The following TTN variants were observed in gnomAD, a reference collection of about 807,000 sequenced individuals.
TTN encodes the protein connectin.
A neutral mutation model predicts 3,223.0 loss-of-function variants in TTN; 1,525 were observed. The observed-to-expected ratio is 0.47, with a 90% CI of 0.45 to 0.49. TTN has a LOEUF of 0.49. Among genes scored for constraint, TTN ranks in the 20% least tolerant of loss-of-function variants. The pLI is 0.00. For synonymous variants in TTN, 14,094 were observed against 15,161.0 expected (o/e 0.93, Z 5.17); for missense variants, 40,786 against 43,424.0 (o/e 0.94, Z 5.40).
chr2:178,577,316 T>C lies in TTN; in HGVS notation c.69019A>G (p.Ile23007Val), dbSNP rs750858964. The change falls in exon 324 of 363, where the codon ATC becomes GTC. Residue 23007 changes from isoleucine (I) to valine (V), a missense_variant. Ile to Val is a conservative substitution (Grantham distance 29). Transcript: ENST00000589042. ...GCATCTTTTCTAGTGGCATACTTGATAGTAAGCATGGAAGATGTTGGGGTT... is the reference window on the plus strand; with the variant it reads ...GCATCTTTTCTAGTGGCATACTTGACAGTAAGCATGGAAGATGTTGGGGTT... Reference protein sequence around the residue: ...TSTPTSSMLTIKYATRKDAGE... With the variant: ...TSTPTSSMLTVKYATRKDAGE... The C allele has an allele frequency of 1.2e-6, 2 of 1,612,876 alleles. No individual in the cohort carries two copies. Among genetic ancestry groups the C allele is most frequent in the Middle Eastern group, 1.7e-4 (1 of 6,058 alleles).
intron 274 of TTN, 64 bp from the exon 275 acceptor site, chr2:178,608,541 C>A: frequency 1.3e-6 from 2 of 1,563,634 alleles, no homozygotes; most frequent in South Asian, 2.4e-5. Context: ...ATTTTAAAAG[C>A]TGTAGTAATT....
At chr2:178,805,769 CTT>C (rs770326304) in intron 1 of TTN, among the ~76,000 whole-genome samples, 38 of 152,194 alleles carry the variant, frequency 2.5e-4, no homozygotes, top group Non-Finnish European at 5.3e-4. Context: ...AATTTGCAAA[CTT>C]TGAATAATGG....
At chr2:178,780,264 C>G (rs1203161661) in intron 21 of TTN, 59 bp from the exon 22 acceptor site, 7 of 1,459,090 alleles carry the variant, frequency 4.8e-6, no homozygotes, top group Non-Finnish European at 6.7e-6. Context: ...AGTCATACCA[C>G]TATGCATTCA....
rs1255601222 is a variant in TTN, at chr2:178,746,741, T to G, written c.11312-4820A>C. 7 of 1,613,310 alleles carry G rather than the reference T, an allele frequency of 4.3e-6. No individual in the cohort carries two copies. In the South Asian group the frequency reaches 7.7e-5, roughly 18 times the overall value. ...TCTTTCATCTGGCTCTAGTAAAGAT[T>G]TATTTCGATACCATTTCACACCAGG... On this transcript the variant is annotated intron_variant, in intron 47 of 362. Transcript: ENST00000589042.
At position 178,548,567 on chromosome 2, in the gene TTN, G is replaced by A. The variant is rs1312330710; in HGVS notation, c.93059C>T (p.Pro31020Leu). 2 of 1,613,890 alleles carry A rather than the reference G, an allele frequency of 1.2e-6. No individual in the cohort carries two copies. The highest frequency in any genetic ancestry group is 1.7e-6 in the Non-Finnish European group (2 of 1,179,816). The change falls in exon 339 of 363, where the codon CCT becomes CTT. Residue 31020 changes from proline to leucine, a missense_variant. Pro to Leu is a moderately conservative substitution (Grantham distance 98). Transcript: ENST00000589042. The surrounding 1 kb of genome is among the most constrained non-coding windows in gnomAD (Gnocchi z 4.3). The stretch of plus-strand genomic sequence containing the variant: ...CACATCTTTGAAGGTAATTGGGCCA[G>A]GTGGGCCTGGAGTGTCTAGCACTTT... ...TVKVLDTPGP[P>L]GPITFKDVTR...
rs1309317594 is a variant in TTN at position 178,631,044 on chromosome 2, A to G, written c.44004T>C (p.Leu14668=). ...TGGAAATTTCCTTACCCTCAATGTC[A>G]AGTTTTCCTGAGGTCTTATCTGTCC... The part of the protein sequence containing the change: ...DCGTDKTSGK[L]DIEDREIKLV... Residue 14668 remains leucine (L), a synonymous_variant, in exon 237 of 363, where the codon CTT becomes CTC. Transcript: ENST00000589042. 6.2e-7 allele frequency: 1 copy of G among 1,612,974 alleles called. No individual in the cohort carries two copies. Among genetic ancestry groups the G allele is most frequent in the Non-Finnish European group, 8.5e-7 (1 of 1,179,528 alleles).
In TTN at chr2:178,570,216, C is replaced by T. The variant is rs1447695905; in HGVS notation, c.75916G>A (p.Asp25306Asn). The T allele has an allele frequency of 6.2e-7, 1 of 1,613,276 alleles. No individual in the cohort carries two copies. The highest frequency in any genetic ancestry group is 8.5e-7 in the Non-Finnish European group (1 of 1,179,620). ...GTGACTTCTGGAGCTTTTGGTGCATCTGGTACTACAAATGGATTCTTGGCA... is the reference window on the plus strand; with the variant it reads ...GTGACTTCTGGAGCTTTTGGTGCATTTGGTACTACAAATGGATTCTTGGCA... ...VVAKNPFVVP[D>N]APKAPEVTTV... The change falls in exon 326 of 363, where the codon GAT (aspartate) becomes AAT (asparagine). Residue 25306 changes from aspartate to asparagine, a missense_variant. Asp to Asn is a conservative substitution (Grantham distance 23, BLOSUM62 1). Coordinates refer to ENST00000589042, the MANE Select transcript of TTN (RefSeq NM_001267550.2).
Position 178,793,298 on chromosome 2 carries a change from T to TAA in TTN, c.1536+104_1536+105dup. On this transcript the variant is annotated intron_variant, in intron 9 of 362. Coordinates refer to ENST00000589042, the MANE Select transcript of TTN (RefSeq NM_001267550.2). ...CAACAAGGGGATCTTATTAGTATGCTAACAACCATGTGGCCCAAGGAACAA... is the reference window on the plus strand; with the variant it reads ...CAACAAGGGGATCTTATTAGTATGCTAAAACAACCATGTGGCCCAAGGAACAA... 4 of 1,491,310 alleles carry TAA rather than the reference T, an allele frequency of 2.7e-6. No homozygotes were observed. The South Asian group carries it at 5.3e-5, about 20-fold the overall frequency. 92.4% of individuals were successfully genotyped at this position (1,491,310 alleles called of 1,614,324 possible). A position where few individuals can be genotyped will look rare whatever the true frequency, so the allele number is the denominator to read the frequency against.
At position 178,618,683 on chromosome 2, in the gene TTN, T is replaced by C; in HGVS notation, c.46867A>G (p.Arg15623Gly). Residue 15623 changes from arginine (R) to glycine (G), a missense_variant, in exon 251 of 363, where the codon AGA (arginine) becomes GGA (glycine). Coordinates refer to ENST00000589042, the MANE Select transcript of TTN (RefSeq NM_001267550.2). ...TCTCCTTTCTTGGCTTCTAAAATTC[T>C]GAAAGAAGTTTGTTCAGCCGTAGTA... ...IDTTAEQTSF[R>G]ILEAKKGDKG... The C allele has an allele frequency of 6.2e-7, 1 of 1,612,254 alleles. No homozygotes were observed. The highest frequency in any genetic ancestry group is 8.5e-7 in the Non-Finnish European group (1 of 1,178,950).
At position 178,595,496 on chromosome 2, in the gene TTN, T is replaced by C; in HGVS notation, c.57847+11A>G. 6.5e-7 allele frequency: 1 copy of C among 1,545,494 alleles called. No homozygotes were observed. The highest frequency in any genetic ancestry group is 8.7e-7 in the Non-Finnish European group (1 of 1,145,330). Reference sequence around the variant, plus strand: ...AAGTGATTAAGTATACATTTTTTTTTTTTTACTTACTTATTGGCTCTCTGA... The same window carrying C: ...AAGTGATTAAGTATACATTTTTTTTCTTTTACTTACTTATTGGCTCTCTGA... On this transcript the variant is annotated intron_variant, in intron 295 of 362. Transcript: ENST00000589042.
At chr2:178,694,516 G>C in intron 117 of TTN, 83 bp downstream of exon 117, 2 of 947,458 alleles carry the variant, frequency 2.1e-6, no homozygotes, top group Non-Finnish European at 3.1e-6. Flanking sequence ...AGATTTGTGA[G>C]TTACTTAGCA....
In TTN at chr2:178,568,149, C is replaced by A; in HGVS notation, c.77983G>T (p.Gly25995Cys). 1 of 1,613,456 alleles carries A rather than the reference C, an allele frequency of 6.2e-7. No individual in the cohort carries two copies. Among genetic ancestry groups the A allele is most frequent in the Non-Finnish European group, 8.5e-7 (1 of 1,179,596 alleles). ...GAAATGGCTGTGGCAAATGGTGTACCTGGAGGGCCTGGTTCTTTGTAGGGA... is the reference window on the plus strand; with the variant it reads ...GAAATGGCTGTGGCAAATGGTGTACATGGAGGGCCTGGTTCTTTGTAGGGA... ...QYPYKEPGPP[G>C]TPFATAISKD... Residue 25995 changes from glycine (G) to cysteine (C), a missense_variant, in exon 326 of 363, where the codon GGT (glycine) becomes TGT (cysteine). Physicochemically the swap from Gly to Cys is radical, Grantham distance 159 (BLOSUM62 -3). Transcript: ENST00000589042.
chr2:178,681,587 A>G (rs779864220), intron 136 of TTN, 74 bp downstream of exon 136: 764 of 1,494,692 alleles, frequency 5.1e-4, no homozygotes, highest in Non-Finnish European at 6.7e-4. Context: ...CCACTTTTAC[A>G]TATATTTTTA....
intron 226 of TTN, 82 bp downstream of exon 226, chr2:178,635,881 G>A (rs554383099): frequency 5.2e-6 from 8 of 1,526,572 alleles, no homozygotes; most frequent in Admixed American, 4.4e-5. Context: ...TTCTGATATT[G>A]TAATACTGGG....
Position 178,622,780 on chromosome 2 carries a change from G to A in TTN, c.44816-13C>T. The A allele has an allele frequency of 6.3e-7, 1 of 1,575,932 alleles. No homozygotes were observed. The highest frequency in any genetic ancestry group is 8.7e-7 in the Non-Finnish European group (1 of 1,155,046). On this transcript the variant is annotated splice_polypyrimidine_tract_variant and intron_variant, in intron 242 of 362. Transcript: ENST00000589042. ...TCCACATGAGGAGCTGTAAGAGAAT[G>A]TCATCAGAATTCAAAATGAGGTTTC...
At chr2:178,747,979 G>T in intron 47 of TTN, 1 of 1,613,004 alleles carries the variant, frequency 6.2e-7, no homozygotes, top group Non-Finnish European at 8.5e-7. Flanking sequence ...CTTCCAAAGT[G>T]GCATCTGTAT....
At chr2:178,786,845 G>A (rs1338476590) in intron 13 of TTN, among the ~76,000 whole-genome samples, 1 of 152,258 alleles carries the variant, frequency 6.6e-6, no homozygotes, top group South Asian at 2.1e-4. Flanking sequence ...CTTTCACATT[G>A]AAGTTTAATT....
At chr2:178,744,382 G>C (rs554558364) in intron 47 of TTN, 1 of 984,262 alleles carries the variant, frequency 1.0e-6, no homozygotes, top group African/African-American at 1.8e-5. Context: ...AAGGTCTTTT[G>C]GTCCTACCCT....
In TTN at chr2:178,567,011, T is replaced by C. The variant is rs878945480; in HGVS notation, c.79121A>G (p.Glu26374Gly). Residue 26374 changes from glutamate (E) to glycine (G), a missense_variant, in exon 326 of 363, where the codon GAA (glutamate) becomes GGA (glycine). Transcript: ENST00000589042. ...VNKYGVGEPL[E>G]SAPVLMKNPF... is the part of the protein sequence containing the mutation. ...ATTTTTCATTAGTACTGGTGCAGAT[T>C]CCAAAGGCTCTCCAACACCATATTT... 2 of 1,613,504 alleles carry C rather than the reference T, an allele frequency of 1.2e-6. No homozygotes were observed. The highest frequency in any genetic ancestry group is 2.7e-5 in the African/African-American group (2 of 74,874).
Sources: allele counts gnomAD v4.1 joint callset (sites outside exome capture counted in the v4.1 genomes callset), GRCh38; gene constraint gnomAD v4.1.1; non-coding constraint Gnocchi (gnomAD v3.1); transcripts MANE v1.5; gene names NCBI Gene and HGNC (gene_info 2026-07-23, HGNC 2026-07-21).